Variants in RBM27 observed in about 807,000 individuals in gnomAD.
RBM27 encodes the protein RNA-binding protein 27.
In RBM27, 22 loss-of-function variants were observed where a neutral mutation model predicts 135.3. The observed-to-expected ratio is 0.16, with a 90% confidence interval of 0.12 to 0.23. The LOEUF (loss-of-function observed/expected upper bound fraction) is 0.23. Among genes scored for constraint, RBM27 ranks in the 10% least tolerant of loss-of-function variants. The pLI is 1.00. For synonymous variants in RBM27, 481 were observed against 442.4 expected (o/e 1.09, Z -1.10); for missense variants, 1,009 against 1,281.0 (o/e 0.79, Z 3.24).
chr5:146,213,496 A>G (rs1205276216), intron 1 of RBM27, among the ~76,000 whole-genome samples: 1 of 152,036 alleles, frequency 6.6e-6, no homozygotes, highest in African/African-American at 2.4e-5. Context: ...TAGTTGTTTC[A>G]CCTCTGAAAG....
In RBM27 at chr5:146,260,694, G is replaced by A. The variant is rs144029317; in HGVS notation, c.1740-51G>A. On this transcript the variant is annotated intron_variant, in intron 11 of 20. Coordinates refer to ENST00000265271, the MANE Select transcript of RBM27 (RefSeq NM_018989.2). ...AAATTCTTTGTGGTTATATCTCTTT[G>A]CTAGGCATGAAGTAGGAGAATTAAC... 38 of 1,466,196 alleles carry A rather than the reference G, an allele frequency of 2.6e-5. No individual in the cohort carries two copies. In the African/African-American group the frequency reaches 4.4e-4, roughly 17 times the overall value. 90.8% of individuals were successfully genotyped at this position (1,466,196 alleles called of 1,614,324 possible). A position where few individuals can be genotyped will look rare whatever the true frequency, so the allele number is the denominator to read the frequency against.
intron 1 of RBM27, among the ~76,000 whole-genome samples, chr5:146,212,310 T>TC (rs1490884033): frequency 6.6e-6 from 1 of 151,760 alleles, no homozygotes; most frequent in Non-Finnish European, 1.5e-5. Flanking sequence ...CGCCTTGGCC[T>TC]CCCAAAGTGC....
intron 8 of RBM27, among the ~76,000 whole-genome samples, chr5:146,249,384 A>G (rs1288466481): frequency 1.3e-5 from 2 of 151,736 alleles, no homozygotes; most frequent in African/African-American, 4.8e-5. Context: ...TGTTCCCCTC[A>G]TTGAGACTAT....
At chr5:146,229,152 A>G in intron 4 of RBM27, 115 bp downstream of exon 4, 1 of 716,300 alleles carries the variant, frequency 1.4e-6, no homozygotes, top group South Asian at 1.9e-5. Context: ...TAAACTCATT[A>G]AAGAAAGATG....
chr5:146,271,506 T>C lies in RBM27; in HGVS notation c.2820T>C (p.Pro940=), dbSNP rs962511975. Residue 940 remains proline, a synonymous_variant, in exon 19 of 21, where the codon CCT becomes CCC. Transcript: ENST00000265271. ...QVEAARLGIL[P]VGRGKTMSSQ... ...AGGCTGCACGGTTAGGTATTTTACC[T>C]GTGGGTCGAGGAAAGACCATGTCCT... The C allele has an allele frequency of 1.2e-6, 2 of 1,613,048 alleles. No individual in the cohort carries two copies. Among genetic ancestry groups the C allele is most frequent in the Non-Finnish European group, 1.7e-6 (2 of 1,179,278 alleles).
At chr5:146,250,153 G>C (rs539447228) in intron 8 of RBM27, among the ~76,000 whole-genome samples, 2 of 151,900 alleles carry the variant, frequency 1.3e-5, no homozygotes, top group African/African-American at 4.8e-5. Context: ...CATTTCACCA[G>C]GTATAAAAAA....
intron 9 of RBM27, among the ~76,000 whole-genome samples, chr5:146,254,712 T>C (rs1758035085): frequency 6.6e-6 from 1 of 152,194 alleles, no homozygotes; most frequent in Non-Finnish European, 1.5e-5. Flanking sequence ...ACCTAGGTTA[T>C]ATGCAAATAC....
At chr5:146,235,513 C>T (rs1405087349) in intron 7 of RBM27, among the ~76,000 whole-genome samples, 1 of 151,698 alleles carries the variant, frequency 6.6e-6, no homozygotes, top group African/African-American at 2.4e-5. Flanking sequence ...CTGTGATGGC[C>T]TCACTGCACT....
chr5:146,204,485 A>G (rs1254752378), intron 1 of RBM27, among the ~76,000 whole-genome samples: 1 of 152,050 alleles, frequency 6.6e-6, no homozygotes, highest in Non-Finnish European at 1.5e-5. Context: ...ATTTTAAAGT[A>G]TTATTGAGGG....
In RBM27 at chr5:146,261,716, G is replaced by A. The variant is rs760535903; in HGVS notation, c.2100G>A (p.Gln700=). ...AGCAAACACTTAGTCACCTCTCACA[G>A]CAGCACCATCACCTGCCACAGCATC... ...QQQQTLSHLS[Q]QHHHLPQHLH... The change falls in exon 13 of 21, where the codon CAG becomes CAA. Residue 700 remains glutamine, a synonymous_variant. Coordinates refer to ENST00000265271, the MANE Select transcript of RBM27 (RefSeq NM_018989.2). 1.5e-5 allele frequency: 25 copies of A among 1,614,046 alleles called. No homozygotes were observed. The South Asian group carries it at 2.0e-4, about 13-fold the overall frequency.
Position 146,233,714 on chromosome 5 carries a change from C to T in RBM27, c.1115C>T (p.Pro372Leu). The T allele has an allele frequency of 6.8e-7, 1 of 1,465,616 alleles. No individual in the cohort carries two copies. Among genetic ancestry groups the T allele is most frequent in the Non-Finnish European group, 9.0e-7 (1 of 1,108,140 alleles). 90.8% of individuals were successfully genotyped at this position (1,465,616 alleles called of 1,614,324 possible). The change falls in exon 7 of 21, where the codon CCT becomes CTT. Residue 372 changes from proline to leucine, a missense_variant. Pro to Leu is a moderately conservative substitution (Grantham distance 98). Transcript: ENST00000265271. Reference protein sequence around the residue: ...RLPVPQGHGQPPPSVVLPIPR... With the variant: ...RLPVPQGHGQLPPSVVLPIPR... ...CCTGTTCCCCAAGGACATGGTCAGC[C>T]TCCACCATCCGTTGTGCTTCCCATA...
At position 146,261,520 on chromosome 5, in the gene RBM27, A is replaced by T. The variant is rs377129549; in HGVS notation, c.1904A>T (p.Lys635Met). 32 of 1,613,496 alleles carry T rather than the reference A, an allele frequency of 2.0e-5. No individual in the cohort carries two copies. In the African/African-American group the frequency reaches 4.0e-4, roughly 20 times the overall value. ...GTIVNIQVAF[K>M]GDPEAALIQY... is the part of the protein sequence containing the mutation. ...TTTATTTTCTTCAAGGTTGCTTTTA[A>T]GGGTGACCCAGAAGCAGCCCTAATC... The change falls in exon 13 of 21, where the codon AAG becomes ATG. Residue 635 changes from lysine (K) to methionine (M), a missense_variant. By Grantham distance (95) the Lys-to-Met change is moderately conservative. Coordinates refer to ENST00000265271, the MANE Select transcript of RBM27 (RefSeq NM_018989.2).
In RBM27 at chr5:146,267,767, A is replaced by T; in HGVS notation, c.2450A>T (p.Gln817Leu). Reference sequence around the variant, plus strand: ...GTTCAAGAAGTGCTTAAAAAAAAACAGGTAACAGTCTTGATTCTTCTTGCC... The same window carrying T: ...GTTCAAGAAGTGCTTAAAAAAAAACTGGTAACAGTCTTGATTCTTCTTGCC... ...HDVQEVLKKK[Q>L]EAMKLQQDMR... The change falls in exon 15 of 21, where the codon CAG becomes CTG. Residue 817 changes from glutamine to leucine, a missense_variant and splice_region_variant. Coordinates refer to ENST00000265271, the MANE Select transcript of RBM27 (RefSeq NM_018989.2). 6.2e-7 allele frequency: 1 copy of T among 1,600,896 alleles called. No individual in the cohort carries two copies. The highest frequency in any genetic ancestry group is 2.2e-5 in the East Asian group (1 of 44,658).
Position 146,256,872 on chromosome 5 carries a change from A to G in RBM27, c.1595-1577A>G, listed in dbSNP as rs544580361. Reference sequence around the variant, plus strand: ...TTAGTGACTTCCTTCCTTTAATATGACACACTTCATTAAATTAAAAAAAAT... The same window carrying G: ...TTAGTGACTTCCTTCCTTTAATATGGCACACTTCATTAAATTAAAAAAAAT... On this transcript the variant is annotated intron_variant, in intron 10 of 20. Transcript: ENST00000265271. Among the ~76,000 whole-genome samples, 5 of 152,162 alleles carry G rather than the reference A, an allele frequency of 3.3e-5. No individual in the cohort carries two copies. The East Asian group carries it at 9.7e-4, about 29-fold the overall frequency.
At chr5:146,229,688 C>T (rs1397412392) in intron 4 of RBM27, 29 bp from the exon 5 acceptor site, 1 of 1,540,786 alleles carries the variant, frequency 6.5e-7, no homozygotes, top group Non-Finnish European at 8.9e-7. Context: ...CTATAGCCTG[C>T]ATATGGCTTT....
At chr5:146,263,350 A>G (rs2126859658) in intron 13 of RBM27, 141 bp from the exon 14 acceptor site, 3 of 778,838 alleles carry the variant, frequency 3.9e-6, no homozygotes, top group Non-Finnish European at 6.0e-6. Context: ...CCCCTTAAAA[A>G]ATAAAACCTT....
At position 146,230,772 on chromosome 5, in the gene RBM27, T is replaced by C; in HGVS notation, c.705T>C (p.Ser235=). 3.7e-6 allele frequency: 6 copies of C among 1,614,064 alleles called. No homozygotes were observed. In the East Asian group the frequency reaches 8.9e-5, roughly 24 times the overall value. The change falls in exon 6 of 21, where the codon TCT becomes TCC. Residue 235 remains serine (S), a synonymous_variant. Coordinates refer to ENST00000265271, the MANE Select transcript of RBM27 (RefSeq NM_018989.2). ...SSEQYSSGAQ[S]IPSTVTVIAP... Reference sequence around the variant, plus strand: ...AGCAGTATTCCTCTGGGGCACAGTCTATTCCCAGCACTGTTACTGTGATCG... The same window carrying C: ...AGCAGTATTCCTCTGGGGCACAGTCCATTCCCAGCACTGTTACTGTGATCG...
At chr5:146,209,214 T>C (rs745834050) in intron 1 of RBM27, among the ~76,000 whole-genome samples, 3 of 152,192 alleles carry the variant, frequency 2.0e-5, no homozygotes, top group Non-Finnish European at 4.4e-5. Flanking sequence ...TTTTGGAATA[T>C]GAAAATACAT....
chr5:146,215,734 C>T (rs1350194852), intron 1 of RBM27, among the ~76,000 whole-genome samples: 1 of 151,918 alleles, frequency 6.6e-6, no homozygotes, highest in South Asian at 2.1e-4. Context: ...TATAGAATAG[C>T]CAGGGTAAGC....
Sources: allele counts gnomAD v4.1 joint callset (sites outside exome capture counted in the v4.1 genomes callset), GRCh38; gene constraint gnomAD v4.1.1; transcripts MANE v1.5; gene names NCBI Gene and HGNC (gene_info 2026-07-23, HGNC 2026-07-21).